DTNA: variants seen among roughly 807,000 people sequenced by gnomAD.
DTNA encodes the protein dystrobrevin alpha.
In DTNA, 43 loss-of-function variants were observed where a neutral mutation model predicts 100.7. The observed-to-expected ratio is 0.43, with a 90% CI of 0.33 to 0.55. The LOEUF is 0.55. Among genes scored for constraint, DTNA ranks in the 20% least tolerant of loss-of-function variants. The probability of loss-of-function intolerance (pLI) is 0.04; values close to 1 mark genes in which losing one functional copy is unlikely to be tolerated. For missense variants in DTNA, 798 were observed against 953.9 expected (o/e 0.84, Z 2.15); for synonymous variants, 349 against 347.9 (o/e 1.00, Z -0.04).
intron 1 of DTNA, among the ~76,000 whole-genome samples, chr18:34,608,565 A>G (rs1031742309): frequency 1.3e-5 from 2 of 152,066 alleles, no homozygotes; most frequent in Non-Finnish European, 2.9e-5. Flanking sequence ...ACTATTCATA[A>G]AAATTTCTAG....
intron 14 of DTNA, among the ~76,000 whole-genome samples, chr18:34,849,138 G>A (rs1233737700): frequency 1.3e-5 from 2 of 152,198 alleles, no homozygotes; most frequent in African/African-American, 4.8e-5. Context: ...GGCTAAAAGT[G>A]TACTGTGTGC....
At chr18:34,584,228 C>T (rs2048909977) in intron 1 of DTNA, among the ~76,000 whole-genome samples, 1 of 151,824 alleles carries the variant, frequency 6.6e-6, no homozygotes, top group African/African-American at 2.4e-5. Flanking sequence ...TGTCCTGGAG[C>T]CCATAATACA....
chr18:34,527,320 G>A (rs970142840), intron 1 of DTNA, among the ~76,000 whole-genome samples: 3 of 151,874 alleles, frequency 2.0e-5, no homozygotes, highest in Non-Finnish European at 4.4e-5. Flanking sequence ...AAAGAGAATC[G>A]CCTGCTCGTC....
intron 1 of DTNA, among the ~76,000 whole-genome samples, chr18:34,532,338 A>G (rs2043221441): frequency 6.6e-6 from 1 of 152,098 alleles, no homozygotes; most frequent in Admixed American, 6.6e-5. Context: ...AAATGAGCAA[A>G]TAAGTTGGAA....
chr18:34,739,020 T>A (rs1336534842), intron 1 of DTNA, among the ~76,000 whole-genome samples: 1 of 152,162 alleles, frequency 6.6e-6, no homozygotes, highest in Admixed American at 6.5e-5. Context: ...ACCCATGTAC[T>A]GAACATAGTA....
intron 1 of DTNA, among the ~76,000 whole-genome samples, chr18:34,638,105 G>A (rs1350338893): frequency 2.0e-5 from 3 of 152,108 alleles, no homozygotes; most frequent in Admixed American, 6.5e-5. Context: ...TAATGGATAC[G>A]GATCACATAA....
At chr18:34,571,830 ACCTGGGC>A (rs2047619138) in intron 1 of DTNA, among the ~76,000 whole-genome samples, 1 of 152,144 alleles carries the variant, frequency 6.6e-6, no homozygotes, top group Non-Finnish European at 1.5e-5. Flanking sequence ...AGTAGGTACT[ACCTGGGC>A]CACACACACA....
rs767620520 is a variant in DTNA at position 34,794,070 on chromosome 18, C to G, written c.182C>G (p.Ala61Gly). The G allele has an allele frequency of 6.2e-6, 10 of 1,614,084 alleles. No homozygotes were observed. The Admixed American group carries it at 1.3e-4, about 22-fold the overall frequency. ...HLVDIWNVIE[A>G]LRENALNNLD... ...GTGGACATATGGAATGTCATAGAAG[C>G]ATTGCGGGAAAATGCTCTGAACAAC... The change falls in exon 4 of 23, where the codon GCA becomes GGA. Residue 61 changes from alanine to glycine, a missense_variant. By Grantham distance (60) the Ala-to-Gly change is moderately conservative. Coordinates refer to ENST00000444659, the MANE Select transcript of DTNA (RefSeq NM_001386795.1).
chr18:34,681,084 A>G (rs901434440), intron 1 of DTNA, among the ~76,000 whole-genome samples: 1 of 152,136 alleles, frequency 6.6e-6, no homozygotes, highest in Non-Finnish European at 1.5e-5. Context: ...CTGATCTTCA[A>G]TTTGATCCAC....
At position 34,867,657 on chromosome 18, in the gene DTNA, C is replaced by G. The variant is rs1467369209; in HGVS notation, c.1743+3595C>G. On this transcript the variant is annotated intron_variant, in intron 17 of 22. Coordinates refer to ENST00000444659, the MANE Select transcript of DTNA (RefSeq NM_001386795.1). ...AGGGCAATCATCCTGTCGTCATCAG[C>G]CTTGCTTTAGCCATTTCCCTTGGGG... The G allele has an allele frequency of 5.1e-6, 5 of 990,046 alleles. No homozygotes were observed. The East Asian group carries it at 4.4e-4, about 87-fold the overall frequency. 61.3% of individuals were successfully genotyped at this position (990,046 alleles called of 1,614,324 possible). A position where few individuals can be genotyped will look rare whatever the true frequency, so the allele number is the denominator to read the frequency against.
chr18:34,657,161 C>T (rs899112773), intron 1 of DTNA, among the ~76,000 whole-genome samples: 8 of 152,294 alleles, frequency 5.3e-5, no homozygotes, highest in Admixed American at 4.6e-4. Flanking sequence ...TAGGCATGAG[C>T]CACTGCACCT....
chr18:34,650,813 T>TTAACTTAATTAATTA (rs2060358762), intron 1 of DTNA, among the ~76,000 whole-genome samples: 1 of 152,202 alleles, frequency 6.6e-6, no homozygotes, highest in Non-Finnish European at 1.5e-5. Context: ...ATACAGAATA[T>TTAACTTAATTAATTA]AGTTATTCTT....
At chr18:34,817,066 A>T (rs1313479862) in intron 7 of DTNA, among the ~76,000 whole-genome samples, 10 of 152,204 alleles carry the variant, frequency 6.6e-5, no homozygotes, top group African/African-American at 2.4e-4. Flanking sequence ...GTCATTTTCC[A>T]ATCATAAAGC....
At chr18:34,778,783 T>C (rs2094179193) in intron 3 of DTNA, among the ~76,000 whole-genome samples, 1 of 147,852 alleles carries the variant, frequency 6.8e-6, no homozygotes, top group African/African-American at 2.5e-5. Flanking sequence ...ACTTGTAAAA[T>C]AAAAGCTATA....
At chr18:34,634,626 T>G (rs1226054451) in intron 1 of DTNA, among the ~76,000 whole-genome samples, 1 of 152,152 alleles carries the variant, frequency 6.6e-6, no homozygotes, top group African/African-American at 2.4e-5. Context: ...AAGAGCATTT[T>G]CATAGCCTTT....
At chr18:34,818,653 T>A in intron 8 of DTNA, 7 of 1,150,056 alleles carry the variant, frequency 6.1e-6, no homozygotes, top group Non-Finnish European at 7.5e-6. Context: ...TCACAGTAAG[T>A]TAAAATCTTT....
rs373299914 is a variant in DTNA at position 34,557,187 on chromosome 18, C to T, written c.-2+63673C>T. Among the ~76,000 whole-genome samples the T allele has an allele frequency of 4.9e-3, 723 of 148,718 alleles. 34 individuals are homozygous for T. In the East Asian group the frequency reaches 0.098, roughly 20 times the overall value. ...GCTCCTGAGGCTTCTGCATTCTTCACGTAGTTCTCGAGCCTTGGTTTTCAG... is the reference window on the plus strand; with the variant it reads ...GCTCCTGAGGCTTCTGCATTCTTCATGTAGTTCTCGAGCCTTGGTTTTCAG... On this transcript the variant is annotated intron_variant, in intron 1 of 19. Transcript: ENST00000283365.
At chr18:34,878,073 A>G (rs1458247182) in intron 19 of DTNA, among the ~76,000 whole-genome samples, 1 of 152,036 alleles carries the variant, frequency 6.6e-6, no homozygotes, top group African/African-American at 2.4e-5. Flanking sequence ...CTTGGGCTCA[A>G]GTGATCCCCC....
chr18:34,816,276 T>C (rs1212039042), intron 7 of DTNA, among the ~76,000 whole-genome samples: 2 of 152,222 alleles, frequency 1.3e-5, no homozygotes, highest in African/African-American at 4.8e-5. Flanking sequence ...CTTGGCACGA[T>C]AGAAGGCGAA....
Sources: allele counts gnomAD v4.1 joint callset (sites outside exome capture counted in the v4.1 genomes callset), GRCh38; gene constraint gnomAD v4.1.1; transcripts MANE v1.5; gene names NCBI Gene and HGNC (gene_info 2026-07-23, HGNC 2026-07-21).